Variants in AK7 observed in about 807,000 individuals in gnomAD.
AK7 encodes the protein ATP-AMP transphosphorylase 7.
In AK7, 78 loss-of-function variants were observed where a neutral mutation model predicts 96.6. The observed-to-expected ratio is 0.81, with a 90% CI of 0.67 to 0.97. The LOEUF is 0.97. Ranked by LOEUF, AK7 falls within the 50% of genes least tolerant of loss-of-function variation. The pLI, the probability that AK7 is intolerant of heterozygous loss-of-function variation, is 0.00. For synonymous variants in AK7, 302 were observed against 317.2 expected (o/e 0.95, Z 0.51); for missense variants, 855 against 887.9 (o/e 0.96, Z 0.47).
chr14:96,417,068 A>G (rs572962324), intron 4 of AK7, among the ~76,000 whole-genome samples: 1 of 152,320 alleles, frequency 6.6e-6, no homozygotes, highest in South Asian at 2.1e-4. Context: ...CAAATCCAGA[A>G]GAGGGGTGTT....
chr14:96,446,277 C>A (rs993369238), intron 7 of AK7, among the ~76,000 whole-genome samples: 6 of 152,206 alleles, frequency 3.9e-5, no homozygotes, highest in Non-Finnish European at 8.8e-5. Flanking sequence ...ACCTCAAAAG[C>A]TGGCTCTTCC....
intron 7 of AK7, among the ~76,000 whole-genome samples, chr14:96,443,389 G>T (rs951196248): frequency 6.6e-6 from 1 of 152,204 alleles, no homozygotes; most frequent in Admixed American, 6.5e-5. Flanking sequence ...ATCAGCTCCA[G>T]CTTCCGGGGA....
intron 8 of AK7, among the ~76,000 whole-genome samples, chr14:96,448,630 TAAAAAAA>T (rs71103528): frequency 1.3e-5 from 1 of 74,884 alleles, no homozygotes; most frequent in East Asian, 4.5e-4. Flanking sequence ...ACCCTATCTC[TAAAAAAA>T]AAAAAAAAAA....
chr14:96,402,710 T>G (rs1890484138), intron 2 of AK7, among the ~76,000 whole-genome samples: 1 of 152,166 alleles, frequency 6.6e-6, no homozygotes, highest in South Asian at 2.1e-4. Flanking sequence ...AGGAAGTGAA[T>G]GGCTGGTGGT....
chr14:96,462,966 T>C (rs1170086811), intron 12 of AK7, among the ~76,000 whole-genome samples: 1 of 152,008 alleles, frequency 6.6e-6, no homozygotes, highest in Non-Finnish European at 1.5e-5. Flanking sequence ...TGAAACCCTC[T>C]CTCTGCTAAC....
chr14:96,420,510 T>A (rs1891616639), intron 4 of AK7, among the ~76,000 whole-genome samples: 1 of 150,836 alleles, frequency 6.6e-6, no homozygotes, highest in Admixed American at 6.6e-5. Context: ...AGAGAAAGAC[T>A]CCATCTCAAA....
At chr14:96,485,661 A>G (rs541444135) in intron 16 of AK7, among the ~76,000 whole-genome samples, 3 of 152,272 alleles carry the variant, frequency 2.0e-5, no homozygotes, top group Admixed American at 1.3e-4. Flanking sequence ...AACATTATTT[A>G]TGGTATTTTC....
intron 16 of AK7, 30 bp downstream of exon 16, chr14:96,483,249 G>A (rs1183476230): frequency 2.6e-6 from 4 of 1,563,196 alleles, no homozygotes; most frequent in Non-Finnish European, 3.5e-6. Context: ...GTGAGTCTGT[G>A]TATCTGTGGA....
At chr14:96,458,648 A>G (rs1894074755) in intron 12 of AK7, among the ~76,000 whole-genome samples, 1 of 151,770 alleles carries the variant, frequency 6.6e-6, no homozygotes, top group Non-Finnish European at 1.5e-5. Flanking sequence ...AGGCTGAGGC[A>G]GGACAATTGC....
chr14:96,435,176 T>G (rs982365404), intron 5 of AK7, among the ~76,000 whole-genome samples: 1 of 152,012 alleles, frequency 6.6e-6, no homozygotes, highest in Admixed American at 6.6e-5. Context: ...AGAAGGAGTT[T>G]TGGCCTGTAG....
intron 12 of AK7, among the ~76,000 whole-genome samples, chr14:96,464,446 C>T (rs1035112103): frequency 7.3e-6 from 1 of 136,184 alleles, no homozygotes; most frequent in Admixed American, 8.3e-5. Context: ...GCTACTTTGG[C>T]GGGGACACAG....
intron 14 of AK7, among the ~76,000 whole-genome samples, chr14:96,474,818 G>A (rs1157437843): frequency 6.6e-6 from 1 of 152,184 alleles, no homozygotes; most frequent in Non-Finnish European, 1.5e-5. Context: ...CAGTTCAACT[G>A]GCAATTGGTC....
intron 7 of AK7, among the ~76,000 whole-genome samples, chr14:96,445,643 G>C (rs1053856680): frequency 1.3e-5 from 2 of 151,922 alleles, no homozygotes; most frequent in African/African-American, 4.8e-5. Context: ...CTGGGCAACA[G>C]AGCGAGACTC....
At chr14:96,451,699 T>TTGACAAATTTGTCCAGGTC (rs1893614550) in intron 10 of AK7, 129 bp downstream of exon 10, 1 of 987,050 alleles carries the variant, frequency 1.0e-6, no homozygotes, top group Non-Finnish European at 1.3e-6. Context: ...TTTTTCAAAT[T>TTGACAAATTTGTCCAGGTC]TGACAAATTT....
chr14:96,464,408 G>C lies in AK7; in HGVS notation c.1357+6196G>C, dbSNP rs536525723. ...ACAAAAAATACAAAAAAAATAGCCA[G>C]GCGTGGTGGTGCGTGCCTATAGTTC... On this transcript the variant is annotated intron_variant, in intron 12 of 17. Coordinates refer to ENST00000267584, the MANE Select transcript of AK7 (RefSeq NM_152327.5). Among the ~76,000 whole-genome samples, 21 of 151,970 alleles carry C rather than the reference G, an allele frequency of 1.4e-4. No homozygotes were observed. In the East Asian group the frequency reaches 3.7e-3, roughly 27 times the overall value.
At chr14:96,404,236 T>A (rs193302105) in intron 2 of AK7, among the ~76,000 whole-genome samples, 44 of 152,118 alleles carry the variant, frequency 2.9e-4, no homozygotes, top group African/African-American at 1.1e-3. Flanking sequence ...TTTACATTTT[T>A]AATCATTAAA....
intron 5 of AK7, among the ~76,000 whole-genome samples, chr14:96,426,636 A>G (rs949694486): frequency 2.0e-5 from 3 of 152,130 alleles, no homozygotes; most frequent in Admixed American, 1.3e-4. Flanking sequence ...TGTCTGGGAA[A>G]GTATTTCTCC....
At chr14:96,429,640 A>G (rs1378086848) in intron 5 of AK7, among the ~76,000 whole-genome samples, 5 of 152,162 alleles carry the variant, frequency 3.3e-5, no homozygotes, top group African/African-American at 1.2e-4. Context: ...TATTTCGTTG[A>G]GCAGTGGTTT....
chr14:96,446,488 T>G (rs368259150), intron 7 of AK7, 29 bp from the exon 8 acceptor site: 1 of 1,599,346 alleles, frequency 6.3e-7, no homozygotes, highest in Admixed American at 1.7e-5. Context: ...TTTTTCCCTT[T>G]GATGATTATT....
Sources: allele counts gnomAD v4.1 joint callset (sites outside exome capture counted in the v4.1 genomes callset), GRCh38; gene constraint gnomAD v4.1.1; transcripts MANE v1.5; gene names NCBI Gene and HGNC (gene_info 2026-07-23, HGNC 2026-07-21).